ZSCAN25: variants seen among roughly 807,000 people sequenced by gnomAD.
ZSCAN25 encodes the protein zinc finger and SCAN domain-containing protein 25.
In ZSCAN25, 27 loss-of-function variants were observed where a neutral mutation model predicts 38.7. That is an observed-to-expected ratio of 0.70 (90% CI 0.51 to 0.96). The LOEUF (loss-of-function observed/expected upper bound fraction) is 0.96, where lower values mean the gene tolerates loss of function less well. Ranked by LOEUF, ZSCAN25 falls within the 40% of genes least tolerant of loss-of-function variation. The pLI is 0.00. For synonymous variants in ZSCAN25, 273 were observed against 277.7 expected (o/e 0.98, Z 0.17); for missense variants, 637 against 705.9 (o/e 0.90, Z 1.11).
the ZSCAN25 span, among the ~76,000 whole-genome samples, chr7:99,680,498 C>T: frequency 5.9e-5 from 9 of 152,298 alleles, no homozygotes; most frequent in African/African-American, 2.2e-4. Flanking sequence ...CTCTCTACCA[C>T]CATTGTAAGT....
chr7:99,676,632 A>C, the ZSCAN25 span: 3 of 1,074,778 alleles, frequency 2.8e-6, no homozygotes, highest in Admixed American at 5.7e-5. Context: ...GAGATTTTGC[A>C]TCACTGTATG....
chr7:99,733,669 G>A, the ZSCAN25 span, among the ~76,000 whole-genome samples: 487 of 152,248 alleles, frequency 3.2e-3, 1 homozygote, highest in African/African-American at 0.011. Flanking sequence ...CAACATGTTT[G>A]TCCTTCAAGT....
At chr7:99,722,206 A>G in the ZSCAN25 span, 1 of 1,534,492 alleles carries the variant, frequency 6.5e-7, no homozygotes, top group South Asian at 1.2e-5. Context: ...CTTCATCGCA[A>G]GAGGCTCTGG....
the ZSCAN25 span, among the ~76,000 whole-genome samples, chr7:99,690,166 C>A: frequency 6.6e-6 from 1 of 152,216 alleles, no homozygotes; most frequent in Admixed American, 6.5e-5. Flanking sequence ...ACCATCTGAT[C>A]TTTGACAAAC....
At chr7:99,720,295 CA>C in the ZSCAN25 span, 1 of 1,611,490 alleles carries the variant, frequency 6.2e-7, no homozygotes, top group African/African-American at 1.3e-5. Context: ...ATTTTAATTT[CA>C]AAAAATGGAT....
At chr7:99,650,322 T>G in the ZSCAN25 span, 1 of 1,206,196 alleles carries the variant, frequency 8.3e-7, no homozygotes. Flanking sequence ...ACAACCCCCC[T>G]CCACCTCCCA....
the ZSCAN25 span, among the ~76,000 whole-genome samples, chr7:99,697,398 C>G: frequency 6.6e-6 from 1 of 152,124 alleles, no homozygotes; most frequent in Non-Finnish European, 1.5e-5. Flanking sequence ...TCAACTCAAC[C>G]GTGAATCTGC....
downstream of ZSCAN25, among the ~76,000 whole-genome samples, chr7:99,635,312 A>G (rs545588256): frequency 9.5e-4 from 144 of 152,316 alleles, no homozygotes; most frequent in African/African-American, 3.2e-3. Flanking sequence ...GATTAACCTC[A>G]TTCAAAACAT....
At chr7:99,646,222 A>G in the ZSCAN25 span, among the ~76,000 whole-genome samples, 1 of 152,230 alleles carries the variant, frequency 6.6e-6, no homozygotes, top group African/African-American at 2.4e-5. Context: ...ATTTTTAACA[A>G]TATTGATTCT....
the ZSCAN25 span, among the ~76,000 whole-genome samples, chr7:99,727,467 A>T: frequency 3.6e-4 from 55 of 152,132 alleles, 2 homozygotes; most frequent in South Asian, 0.011. Context: ...TCCCACAATT[A>T]CCATTGTACC....
chr7:99,733,067 C>T, the ZSCAN25 span, among the ~76,000 whole-genome samples: 1 of 152,184 alleles, frequency 6.6e-6, no homozygotes, highest in Non-Finnish European at 1.5e-5. Flanking sequence ...GACAGCATAG[C>T]CAGGCCCAAT....
At chr7:99,639,244 T>C in the ZSCAN25 span, among the ~76,000 whole-genome samples, 1 of 152,198 alleles carries the variant, frequency 6.6e-6, no homozygotes, top group Non-Finnish European at 1.5e-5. Context: ...GTCAATTAGA[T>C]ATTTTAGCTA....
chr7:99,696,901 G>C, the ZSCAN25 span, among the ~76,000 whole-genome samples: 1 of 152,204 alleles, frequency 6.6e-6, no homozygotes, highest in South Asian at 2.1e-4. Context: ...TAAGTGTGTG[G>C]CACCTCCTCC....
the ZSCAN25 span, chr7:99,731,230 A>C: frequency 5.9e-6 from 9 of 1,534,152 alleles, no homozygotes; most frequent in Non-Finnish European, 8.1e-6. Flanking sequence ...CTGACTGAGG[A>C]ACTGGAATGA....
the ZSCAN25 span, among the ~76,000 whole-genome samples, chr7:99,728,285 A>G: frequency 6.6e-6 from 1 of 152,116 alleles, no homozygotes; most frequent in African/African-American, 2.4e-5. Context: ...CCCTTAAGAC[A>G]TTTGCCCTGT....
the ZSCAN25 span, chr7:99,647,484 A>G: frequency 5.1e-6 from 5 of 985,402 alleles, no homozygotes; most frequent in Non-Finnish European, 6.0e-6. Flanking sequence ...TCATTGCATT[A>G]AGACAATTGG....
chr7:99,631,892 C>CT lies in ZSCAN25; in HGVS notation c.*1879dup, dbSNP rs1584375959. On this transcript the variant is annotated 3_prime_UTR_variant, in exon 8 of 8. Transcript: ENST00000394152. ...TACTGAGGTCCACATGCAAAATCAG[C>CT]TTTTTTTCCCCCGTAATTATCAGAG... 3.6e-5 allele frequency: 35 copies of CT among 985,460 alleles called. No individual in the cohort carries two copies. Among genetic ancestry groups the CT allele is most frequent in the Non-Finnish European group, 4.0e-5 (33 of 829,988 alleles). 61.0% of individuals were successfully genotyped at this position (985,460 alleles called of 1,614,324 possible).
chr7:99,686,024 G>A, the ZSCAN25 span, among the ~76,000 whole-genome samples: 3 of 152,206 alleles, frequency 2.0e-5, no homozygotes, highest in South Asian at 4.1e-4. Context: ...AACTCGGGGG[G>A]TGGAGCCAAG....
At chr7:99,656,645 C>A in the ZSCAN25 span, among the ~76,000 whole-genome samples, 1 of 152,186 alleles carries the variant, frequency 6.6e-6, no homozygotes, top group Non-Finnish European at 1.5e-5. Flanking sequence ...GGAATAGTTT[C>A]AGAAAGAATG....
Sources: allele counts gnomAD v4.1 joint callset (sites outside exome capture counted in the v4.1 genomes callset), GRCh38; gene constraint gnomAD v4.1.1; transcripts MANE v1.5; gene names NCBI Gene and HGNC (gene_info 2026-07-23, HGNC 2026-07-21).